RYR3: variants seen among roughly 807,000 people sequenced by gnomAD.
RYR3 encodes brain ryanodine receptor-calcium release channel.
Under a neutral mutation model 584.3 loss-of-function variants are expected in RYR3, and 207 were observed. The observed-to-expected ratio is 0.35, with a 90% confidence interval of 0.32 to 0.40. The LOEUF (loss-of-function observed/expected upper bound fraction) is 0.40, where lower values mean the gene tolerates loss of function less well. RYR3 is among the 10% of genes least tolerant of loss of function. RYR3 has a pLI of 1.00. For missense variants in RYR3, 5,616 were observed against 6,089.2 expected, an observed-to-expected ratio of 0.92 and a Z score of 2.59; for synonymous variants, 2,416 against 2,248.5, an observed-to-expected ratio of 1.07 and a Z score of -2.11.
At position 33,848,280 on chromosome 15, in the gene RYR3, C is replaced by T. The variant is rs768592606; in HGVS notation, c.13498-11C>T. 1 of 1,613,210 alleles carries T rather than the reference C, an allele frequency of 6.2e-7. No individual in the cohort carries two copies. Among genetic ancestry groups the T allele is most frequent in the Admixed American group, 1.7e-5 (1 of 59,994 alleles). On this transcript the variant is annotated splice_polypyrimidine_tract_variant and intron_variant, in intron 93 of 103. Transcript: ENST00000634891. The stretch of plus-strand genomic sequence containing the variant: ...GCCTGCTCTGAGTAACCATCCTCCT[C>T]CCACTCCTAGGTGCCTTTGGTGGTT...
chr15:33,349,635 G>A (rs548227791), intron 1 of RYR3, among the ~76,000 whole-genome samples: 86 of 144,218 alleles, frequency 6.0e-4, no homozygotes, highest in Admixed American at 3.2e-3. Context: ...GGGTACATGT[G>A]CACAATGTGC....
chr15:33,813,726 G>A, intron 74 of RYR3, 147 bp downstream of exon 74: 2 of 643,320 alleles, frequency 3.1e-6, no homozygotes, highest in Non-Finnish European at 2.7e-6. Context: ...ATAGTATAAG[G>A]GCCTGGCTAA....
chr15:33,359,514 C>T (rs774167158), intron 1 of RYR3, among the ~76,000 whole-genome samples: 2 of 152,226 alleles, frequency 1.3e-5, no homozygotes, highest in Non-Finnish European at 1.5e-5. Context: ...AGCCCCATGG[C>T]TCACATCCTC....
chr15:33,533,278 G>A (rs752403114), intron 4 of RYR3, 33 bp from the exon 5 acceptor site: 2 of 1,459,156 alleles, frequency 1.4e-6, no homozygotes, highest in South Asian at 1.2e-5. Context: ...ATGGAAGAGT[G>A]TGACTTCACT....
rs189206604 is a variant in RYR3, at chr15:33,720,194, G to T, written c.6620-2521G>T. Among the ~76,000 whole-genome samples, 330 of 152,324 alleles carry T rather than the reference G, an allele frequency of 2.2e-3. 1 individual carries two copies. The highest frequency in any genetic ancestry group is 7.8e-3 in the African/African-American group (324 of 41,576). The stretch of plus-strand genomic sequence containing the variant: ...CTTACAATCTTGGATTTTGCCCACA[G>T]TGCAAAAGCTTGAGTGATAAAAGAG... On this transcript the variant is annotated intron_variant, in intron 43 of 103. Transcript: ENST00000634891.
chr15:33,386,694 C>T, intron 1 of RYR3, among the ~76,000 whole-genome samples: 1 of 152,176 alleles, frequency 6.6e-6, no homozygotes, highest in South Asian at 2.1e-4. Flanking sequence ...TCCCCCTTCC[C>T]TCAGCTTCTG....
chr15:33,639,062 T>G (rs1382997446), intron 27 of RYR3, among the ~76,000 whole-genome samples: 1 of 152,130 alleles, frequency 6.6e-6, no homozygotes, highest in African/African-American at 2.4e-5. Flanking sequence ...CCTTGGACTT[T>G]ACCCTCTAGG....
chr15:33,511,956 T>C (rs529243771), intron 3 of RYR3, among the ~76,000 whole-genome samples: 51 of 152,148 alleles, frequency 3.4e-4, no homozygotes, highest in Non-Finnish European at 6.8e-4. Flanking sequence ...TTTTTTGTAT[T>C]TTTAGTAGAG....
At chr15:33,673,317 C>T (rs920154600) in intron 38 of RYR3, among the ~76,000 whole-genome samples, 4 of 152,200 alleles carry the variant, frequency 2.6e-5, no homozygotes, top group Non-Finnish European at 1.5e-5. Context: ...CAATGACCTG[C>T]AGAGAAGCCA....
chr15:33,680,050 C>A (rs865853125), intron 38 of RYR3, among the ~76,000 whole-genome samples: 11 of 152,296 alleles, frequency 7.2e-5, no homozygotes, highest in South Asian at 4.1e-4. Flanking sequence ...CTCTGACATT[C>A]ACTAATTGAT....
At chr15:33,476,702 T>C (rs756695547) in intron 2 of RYR3, among the ~76,000 whole-genome samples, 6 of 152,186 alleles carry the variant, frequency 3.9e-5, no homozygotes, top group African/African-American at 7.2e-5. Flanking sequence ...GCATGAACAC[T>C]ATTAAACTGC....
At position 33,572,691 on chromosome 15, in the gene RYR3, T is replaced by A. The variant is rs565332852; in HGVS notation, c.1268+5892T>A. ...CACACACACACACACACACACACAC[T>A]GGGCTGGGCACAATGGCTCACGCCT... On this transcript the variant is annotated intron_variant, in intron 12 of 103. Coordinates refer to ENST00000634891, the MANE Select transcript of RYR3 (RefSeq NM_001036.6). 4.8e-4 allele frequency among the ~76,000 whole-genome samples: 25 copies of A among 51,910 alleles called. 1 individual carries two copies. Among genetic ancestry groups the A allele is most frequent in the African/African-American group, 1.4e-3 (22 of 15,434 alleles). 34.1% of individuals were successfully genotyped at this position (51,910 alleles called of 152,430 possible).
intron 43 of RYR3, among the ~76,000 whole-genome samples, chr15:33,713,179 G>T (rs990426356): frequency 6.6e-6 from 1 of 152,146 alleles, no homozygotes; most frequent in Non-Finnish European, 1.5e-5. Context: ...GATGATGGAA[G>T]TATTCATGGT....
intron 28 of RYR3, among the ~76,000 whole-genome samples, chr15:33,645,073 A>G (rs968042519): frequency 2.6e-5 from 4 of 152,148 alleles, no homozygotes; most frequent in Admixed American, 6.5e-5. Flanking sequence ...TCAAGATTAT[A>G]TATACTGAAC....
intron 51 of RYR3, 44 bp downstream of exon 51, chr15:33,740,039 A>G (rs761273680): frequency 7.0e-6 from 11 of 1,564,828 alleles, no homozygotes; most frequent in African/African-American, 2.7e-5. Context: ...ATTTTGTCCA[A>G]TAGCCAATGT....
chr15:33,374,178 GA>G (rs1567118075), intron 1 of RYR3, among the ~76,000 whole-genome samples: 2 of 151,844 alleles, frequency 1.3e-5, no homozygotes, highest in East Asian at 1.9e-4. Context: ...TGTTTTTAAA[GA>G]AAAAAAAGCC....
At position 33,726,521 on chromosome 15, in the gene RYR3, T is replaced by A; in HGVS notation, c.7033+15T>A. The A allele has an allele frequency of 6.4e-7, 1 of 1,572,198 alleles. No homozygotes were observed. Among genetic ancestry groups the A allele is most frequent in the Admixed American group, 1.9e-5 (1 of 53,778 alleles). On this transcript the variant is annotated intron_variant, in intron 46 of 103. Coordinates refer to ENST00000634891, the MANE Select transcript of RYR3 (RefSeq NM_001036.6). The stretch of plus-strand genomic sequence containing the variant: ...CCTCAACAAAGGTAAGGGGAGTGAC[T>A]GCAGGCTGCAGCAGCAGTCTCCCAG...
At chr15:33,635,893 A>C in intron 26 of RYR3, 74 bp downstream of exon 26, 16 of 1,282,268 alleles carry the variant, frequency 1.2e-5, no homozygotes, top group Non-Finnish European at 1.6e-5. Flanking sequence ...CTGGAAGCTC[A>C]AATTACTGGA....
At chr15:33,751,734 A>G (rs949288398) in intron 57 of RYR3, among the ~76,000 whole-genome samples, 2 of 152,114 alleles carry the variant, frequency 1.3e-5, no homozygotes, top group African/African-American at 4.8e-5. Context: ...CTTTAGTTTA[A>G]TTAGACCCCA....
Sources: gnomAD v4.1 joint callset for allele counts (sites outside exome capture counted in the v4.1 genomes callset) on GRCh38, gnomAD v4.1.1 for gene constraint, MANE v1.5 for transcripts, NCBI Gene and HGNC (gene_info 2026-07-23, HGNC 2026-07-21) for gene names.